The following SLC35A4 variants were observed in gnomAD, a reference collection of about 807,000 sequenced individuals.
SLC35A4 encodes the protein probable UDP-sugar transporter protein SLC35A4.
A neutral mutation model predicts 18.8 loss-of-function variants in SLC35A4; 9 were observed. That is an observed-to-expected ratio of 0.48 (90% CI 0.29 to 0.83). The LOEUF (loss-of-function observed/expected upper bound fraction) is 0.83, where lower values mean the gene tolerates loss of function less well. Ranked by LOEUF, SLC35A4 falls within the 40% of genes least tolerant of loss-of-function variation. The pLI is 0.09. For missense variants in SLC35A4, 404 were observed against 415.5 expected, an observed-to-expected ratio of 0.97 and a Z score of 0.24; for synonymous variants, 189 against 191.9, an observed-to-expected ratio of 0.98 and a Z score of 0.13.
chr5:140,568,524 T>G lies in SLC35A4; in HGVS notation c.*380T>G. 3.6e-6 allele frequency: 1 copy of G among 278,904 alleles called. No individual in the cohort carries two copies. Among genetic ancestry groups the G allele is most frequent in the Non-Finnish European group, 7.4e-6 (1 of 135,526 alleles). 17.3% of individuals were successfully genotyped at this position (278,904 alleles called of 1,614,324 possible). A position where few individuals can be genotyped will look rare whatever the true frequency, so the allele number is the denominator to read the frequency against. ...GGGTGTGGGCAACAAGTGGCTTTCCTTGCCTACTTTAGTCACCCAGCAGAG... is the reference window on the plus strand; with the variant it reads ...GGGTGTGGGCAACAAGTGGCTTTCCGTGCCTACTTTAGTCACCCAGCAGAG... On this transcript the variant is annotated 3_prime_UTR_variant, in exon 3 of 3. Transcript: ENST00000323146.
At position 140,568,235 on chromosome 5, in the gene SLC35A4, C is replaced by T; in HGVS notation, c.*91C>T. ...CAGGCCTTCCTCCCTCTCCCATCAG[C>T]AGCCCTGTAACAAGTGCCTTGTGAG... On this transcript the variant is annotated 3_prime_UTR_variant, in exon 3 of 3. Transcript: ENST00000323146. The T allele has an allele frequency of 6.3e-7, 1 of 1,594,126 alleles. No homozygotes were observed. The highest frequency in any genetic ancestry group is 8.6e-7 in the Non-Finnish European group (1 of 1,166,988).
rs1755176588 is a variant in SLC35A4 at position 140,565,951 on chromosome 5, G to C, written c.-626G>C. 5.0e-6 allele frequency: 2 copies of C among 398,980 alleles called. No homozygotes were observed. The highest frequency in any genetic ancestry group is 8.8e-6 in the Non-Finnish European group (2 of 226,060). The allele number at this position is 398,980 out of a possible 1,614,324, so 24.7% of individuals were successfully genotyped here. On this transcript the variant is annotated 5_prime_UTR_variant, in exon 2 of 3. Coordinates refer to ENST00000323146, the MANE Select transcript of SLC35A4 (RefSeq NM_080670.4). ...CCTGCAGCGGCGTGTAGAAGACGAA[G>C]TCAACAGTGGAGTGGGCCAGGTAAG...
rs1478074550 is a variant in SLC35A4 at position 140,566,652 on chromosome 5, T to C, written c.-518T>C. ...ACTGAGGGCATCAGCAGTATTGGGC[T>C]TTGCTGTGGGCACCTGCACTGGCAT... On this transcript the variant is annotated 5_prime_UTR_variant, in exon 3 of 3. Transcript: ENST00000323146. 16 of 490,752 alleles carry C rather than the reference T, an allele frequency of 3.3e-5. No individual in the cohort carries two copies. The highest frequency in any genetic ancestry group is 5.0e-5 in the Non-Finnish European group (14 of 279,282). The allele number at this position is 490,752 out of a possible 1,614,324, so 30.4% of individuals were successfully genotyped here.
Position 140,568,015 on chromosome 5 carries a change from G to T in SLC35A4, c.846G>T (p.Val282=). 1 of 1,614,080 alleles carries T rather than the reference G, an allele frequency of 6.2e-7. No homozygotes were observed. The highest frequency in any genetic ancestry group is 8.5e-7 in the Non-Finnish European group (1 of 1,180,016). The change falls in exon 3 of 3, where the codon GTG becomes GTT. Residue 282 remains valine, a synonymous_variant. Transcript: ENST00000323146. The part of the protein sequence containing the change: ...KHGSSITRLF[V]VSCSLVVNAV... ...GCAGCAGCATCACACGCCTCTTTGT[G>T]GTGTCCTGCTCGCTGGTGGTCAACG...
Position 140,566,911 on chromosome 5 carries a change from G to C in SLC35A4, c.-259G>C. On this transcript the variant is annotated 5_prime_UTR_variant, in exon 3 of 3. Coordinates refer to ENST00000323146, the MANE Select transcript of SLC35A4 (RefSeq NM_080670.4). Reference sequence around the variant, plus strand: ...CCCTTCCTGCAGATTGTGGACAGTAGTTCCTCAGCCTGCACCCTGGATTCC... The same window carrying C: ...CCCTTCCTGCAGATTGTGGACAGTACTTCCTCAGCCTGCACCCTGGATTCC... The C allele has an allele frequency of 1.5e-6, 1 of 645,742 alleles. No individual in the cohort carries two copies. Among genetic ancestry groups the C allele is most frequent in the South Asian group, 1.8e-5 (1 of 57,082 alleles). The allele number at this position is 645,742 out of a possible 1,614,324, so 40.0% of individuals were successfully genotyped here.
Position 140,567,696 on chromosome 5 carries a change from C to CA in SLC35A4, c.527_528insA (p.Ala177CysfsTer183), listed in dbSNP as rs1319711737. Reference sequence around the variant, plus strand: ...CTTCCCAGTCCCCCTCCAGCAGCTGCTGCCAGCCCCATGCCCCTGCATATC... The same window carrying CA: ...CTTCCCAGTCCCCCTCCAGCAGCTGCATGCCAGCCCCATGCCCCTGCATATC... On this transcript the variant is annotated frameshift_variant, in exon 3 of 3. Transcript: ENST00000323146. LOFTEE classifies it high-confidence loss of function. The CA allele has an allele frequency of 4.3e-6, 7 of 1,613,972 alleles. No homozygotes were observed. Among genetic ancestry groups the CA allele is most frequent in the Admixed American group, 3.3e-5 (2 of 60,012 alleles).
chr5:140,566,205 G>C (rs994116607), intron 2 of SLC35A4, among the ~76,000 whole-genome samples: 2 of 152,182 alleles, frequency 1.3e-5, no homozygotes, highest in African/African-American at 4.8e-5. Context: ...TAAAGGCCTT[G>C]TGGTAGGAAG....
At position 140,567,868 on chromosome 5, in the gene SLC35A4, A is replaced by G. The variant is rs758659511; in HGVS notation, c.699A>G (p.Leu233=). Residue 233 remains leucine, a synonymous_variant, in exon 3 of 3, where the codon CTA becomes CTG. Transcript: ENST00000323146. The part of the protein sequence containing the change: ...FLYTFGVLLN[L]GLHAGGGSGP... ...ACACTTTTGGTGTGCTTCTGAATCT[A>G]GGTCTGCATGCTGGCGGCGGCTCTG... 38 of 1,614,048 alleles carry G rather than the reference A, an allele frequency of 2.4e-5. No individual in the cohort carries two copies. Among genetic ancestry groups the G allele is most frequent in the Non-Finnish European group, 3.2e-5 (38 of 1,180,042 alleles).
At chr5:140,566,086 C>G (rs1755179864) in intron 2 of SLC35A4, 115 bp downstream of exon 2, 1 of 396,478 alleles carries the variant, frequency 2.5e-6, no homozygotes, top group Admixed American at 4.4e-5. Context: ...GGCCTATTCT[C>G]AGTCACCCTA....
Position 140,567,912 on chromosome 5 carries a change from G to C in SLC35A4, c.743G>C (p.Gly248Ala). 1.2e-6 allele frequency: 2 copies of C among 1,614,208 alleles called. No homozygotes were observed. Among genetic ancestry groups the C allele is most frequent in the Non-Finnish European group, 1.7e-6 (2 of 1,180,030 alleles). ...GGCTCTGGCCCAGGCCTCCTGGAAG[G>C]TTTCTCAGGATGGGCAGCACTCGTG... is the stretch of plus-strand genomic sequence containing the variant. ...GGGSGPGLLE[G>A]FSGWAALVVL... Residue 248 changes from glycine to alanine, a missense_variant, in exon 3 of 3, where the codon GGT becomes GCT. Physicochemically the swap from Gly to Ala is moderately conservative, Grantham distance 60. Transcript: ENST00000323146.
chr5:140,565,209 A>G (rs1755156041), intron 1 of SLC35A4: 1 of 301,084 alleles, frequency 3.3e-6, no homozygotes, highest in South Asian at 1.6e-4. Context: ...GGACACTCAC[A>G]CCACCCTCAT....
rs1176619182 is a variant in SLC35A4 at position 140,567,913 on chromosome 5, T to G, written c.744T>G (p.Gly248=). The stretch of plus-strand genomic sequence containing the variant: ...GCTCTGGCCCAGGCCTCCTGGAAGG[T>G]TTCTCAGGATGGGCAGCACTCGTGG... The part of the protein sequence containing the change: ...GGGSGPGLLE[G]FSGWAALVVL... Residue 248 remains glycine, a synonymous_variant, in exon 3 of 3, where the codon GGT becomes GGG. Coordinates refer to ENST00000323146, the MANE Select transcript of SLC35A4 (RefSeq NM_080670.4). 1 of 1,614,056 alleles carries G rather than the reference T, an allele frequency of 6.2e-7. No individual in the cohort carries two copies. Among genetic ancestry groups the G allele is most frequent in the Non-Finnish European group, 8.5e-7 (1 of 1,180,026 alleles).
intron 1 of SLC35A4, chr5:140,565,192 A>G: frequency 3.1e-6 from 1 of 322,116 alleles, no homozygotes; most frequent in African/African-American, 2.1e-5. Context: ...GATGTTTCCA[A>G]TCACACGGAC....
At position 140,566,636 on chromosome 5, in the gene SLC35A4, A is replaced by T. The variant is rs1234064620; in HGVS notation, c.-534A>T. On this transcript the variant is annotated 5_prime_UTR_variant, in exon 3 of 3. Transcript: ENST00000323146. Reference sequence around the variant, plus strand: ...GCTATGTGGTGGCCAAACTGAGGGCATCAGCAGTATTGGGCTTTGCTGTGG... The same window carrying T: ...GCTATGTGGTGGCCAAACTGAGGGCTTCAGCAGTATTGGGCTTTGCTGTGG... 1 of 451,526 alleles carries T rather than the reference A, an allele frequency of 2.2e-6. No homozygotes were observed. The highest frequency in any genetic ancestry group is 2.0e-5 in the African/African-American group (1 of 50,034). 28.0% of individuals were successfully genotyped at this position (451,526 alleles called of 1,614,324 possible).
intron 1 of SLC35A4, chr5:140,565,149 C>T (rs1274603125): frequency 2.7e-6 from 1 of 367,596 alleles, no homozygotes; most frequent in Non-Finnish European, 4.8e-6. Flanking sequence ...TTACCCCATT[C>T]CCTAGCTCCC....
In SLC35A4 at chr5:140,567,493, T is replaced by G; in HGVS notation, c.324T>G (p.Arg108=). The G allele has an allele frequency of 6.2e-7, 1 of 1,614,150 alleles. No individual in the cohort carries two copies. Among genetic ancestry groups the G allele is most frequent in the Non-Finnish European group, 8.5e-7 (1 of 1,180,040 alleles). ...ACAACCTGGTGATCTATCTTCAGCG[T>G]TACATGGACCCCAGCACCTACCAGG... ...ANNNLVIYLQ[R]YMDPSTYQVL... Residue 108 remains arginine (R), a synonymous_variant, in exon 3 of 3, where the codon CGT becomes CGG. Transcript: ENST00000323146.
intron 2 of SLC35A4, among the ~76,000 whole-genome samples, chr5:140,566,344 CTATGGT>C (rs923714838): frequency 2.0e-5 from 3 of 152,232 alleles, no homozygotes; most frequent in Admixed American, 2.0e-4. Flanking sequence ...CGGTGGAGTT[CTATGGT>C]TGGAGCTTTC....
chr5:140,565,060 A>C (rs1755152531), intron 1 of SLC35A4: 2 of 397,496 alleles, frequency 5.0e-6, no homozygotes, highest in Non-Finnish European at 8.9e-6. Context: ...TGGATCCCCC[A>C]GATGTCCCCT....
intron 2 of SLC35A4, among the ~76,000 whole-genome samples, chr5:140,566,335 G>T (rs978137681): frequency 6.6e-6 from 1 of 152,140 alleles, no homozygotes; most frequent in South Asian, 2.1e-4. Flanking sequence ...CTTGTGTGGC[G>T]GTGGAGTTCT....
Sources: gnomAD v4.1 joint callset for allele counts (sites outside exome capture counted in the v4.1 genomes callset) on GRCh38, gnomAD v4.1.1 for gene constraint, MANE v1.5 for transcripts, NCBI Gene and HGNC (gene_info 2026-07-23, HGNC 2026-07-21) for gene names.